The following CSMD1 variants were observed in gnomAD, a reference collection of about 807,000 sequenced individuals.
The protein encoded by CSMD1 is CUB and Sushi multiple domains 1.
A neutral mutation model predicts 417.5 loss-of-function variants in CSMD1; 213 were observed. That is an observed-to-expected ratio of 0.51 (90% CI 0.46 to 0.57). The LOEUF (loss-of-function observed/expected upper bound fraction) is 0.57. Ranked by LOEUF, CSMD1 falls within the 20% of genes least tolerant of loss-of-function variation. The probability of loss-of-function intolerance (pLI) is 0.00; values close to 1 mark genes in which losing one functional copy is unlikely to be tolerated. For synonymous variants in CSMD1, 2,862 were observed against 1,736.8 expected, an observed-to-expected ratio of 1.65 and a Z score of -16.11; for missense variants, 6,923 against 4,529.7, an observed-to-expected ratio of 1.53 and a Z score of -15.17.
intron 1 of CSMD1, among the ~76,000 whole-genome samples, chr8:4,772,385 G>C (rs756506645): frequency 5.9e-5 from 9 of 152,136 alleles, no homozygotes; most frequent in Non-Finnish European, 1.0e-4. Context: ...GAGGACTTGA[G>C]TGGTTAGGTT....
intron 2 of CSMD1, among the ~76,000 whole-genome samples, chr8:4,538,661 A>T (rs186780525): frequency 6.6e-6 from 1 of 152,166 alleles, no homozygotes; most frequent in African/African-American, 2.4e-5. Flanking sequence ...ATGAAATGAA[A>T]TGAAATATAA....
At chr8:4,095,626 G>A (rs769511377) in intron 3 of CSMD1, among the ~76,000 whole-genome samples, 1 of 152,186 alleles carries the variant, frequency 6.6e-6, no homozygotes. Context: ...AGAGCTGCGT[G>A]TGTTATAGAA....
At chr8:4,274,347 G>C (rs565414524) in intron 3 of CSMD1, among the ~76,000 whole-genome samples, 6 of 152,100 alleles carry the variant, frequency 3.9e-5, no homozygotes, top group East Asian at 1.9e-4. Flanking sequence ...CTTTTTTTAC[G>C]TTTCACTTTT....
chr8:4,282,638 A>G (rs1194644416), intron 3 of CSMD1, among the ~76,000 whole-genome samples: 1 of 152,168 alleles, frequency 6.6e-6, no homozygotes, highest in Non-Finnish European at 1.5e-5. Flanking sequence ...GTATGCATTC[A>G]CCTTTTCAGT....
chr8:3,774,758 T>C (rs774649509), intron 5 of CSMD1, among the ~76,000 whole-genome samples: 1 of 152,222 alleles, frequency 6.6e-6, no homozygotes, highest in Non-Finnish European at 1.5e-5. Context: ...TTTACTATTC[T>C]AATGAGTACA....
intron 10 of CSMD1, among the ~76,000 whole-genome samples, chr8:3,537,166 G>A (rs1468912495): frequency 1.3e-5 from 2 of 152,048 alleles, no homozygotes; most frequent in Non-Finnish European, 2.9e-5. Flanking sequence ...ACCACGCCCA[G>A]CTAATTTGTT....
chr8:2,982,992 A>G (rs1255194643), intron 54 of CSMD1, among the ~76,000 whole-genome samples: 1 of 152,122 alleles, frequency 6.6e-6, no homozygotes, highest in Non-Finnish European at 1.5e-5. Flanking sequence ...CTTCGGGCAG[A>G]CGACTCCTAA....
At chr8:4,688,887 G>A (rs1048339387) in intron 1 of CSMD1, among the ~76,000 whole-genome samples, 5 of 152,238 alleles carry the variant, frequency 3.3e-5, no homozygotes, top group South Asian at 2.1e-4. Flanking sequence ...TATAACTCAC[G>A]TCAGTGTGCT....
chr8:3,305,112 C>G (rs1467295566), intron 25 of CSMD1, among the ~76,000 whole-genome samples: 1 of 152,096 alleles, frequency 6.6e-6, no homozygotes, highest in Non-Finnish European at 1.5e-5. Context: ...ACCAACTGGG[C>G]TCAAGACATC....
rs561013046 is a variant in CSMD1 at position 4,562,522 on chromosome 8, G to C, written c.302+74820C>G. 5.3e-5 allele frequency among the ~76,000 whole-genome samples: 8 copies of C among 152,254 alleles called. No individual in the cohort carries two copies. In the East Asian group the frequency reaches 9.6e-4, roughly 18 times the overall value. On this transcript the variant is annotated intron_variant, in intron 2 of 69. Transcript: ENST00000635120. ...AACAAACCTGGAGTCAGTAAGAAAA[G>C]ATAACTTTAGTTATTAAATAAGTAT...
chr8:4,860,861 A>G (rs1030689314), intron 1 of CSMD1, among the ~76,000 whole-genome samples: 35 of 152,100 alleles, frequency 2.3e-4, no homozygotes, highest in Non-Finnish European at 2.8e-4. Context: ...AAAAACGTTC[A>G]CATCCCTGCT....
intron 1 of CSMD1, among the ~76,000 whole-genome samples, chr8:4,666,114 G>GC (rs1343729501): frequency 6.6e-6 from 1 of 152,072 alleles, no homozygotes; most frequent in Non-Finnish European, 1.5e-5. Context: ...TGACTGGGGG[G>GC]CGCTGAGCAT....
At chr8:4,261,228 T>G (rs1437134260) in intron 3 of CSMD1, among the ~76,000 whole-genome samples, 2 of 152,238 alleles carry the variant, frequency 1.3e-5, no homozygotes, top group East Asian at 3.8e-4. Context: ...CAGCCATTCC[T>G]GAATCTTGTG....
intron 6 of CSMD1, among the ~76,000 whole-genome samples, chr8:3,746,042 C>T: frequency 6.6e-6 from 1 of 152,256 alleles, no homozygotes; most frequent in East Asian, 1.9e-4. Flanking sequence ...CGTTCCAAAG[C>T]ACACCGCTAC....
chr8:4,750,579 G>C (rs537844516), intron 1 of CSMD1, among the ~76,000 whole-genome samples: 167 of 152,052 alleles, frequency 1.1e-3, no homozygotes, highest in Middle Eastern at 3.4e-3. Flanking sequence ...CACTTTATAA[G>C]TAATTCTGAG....
intron 7 of CSMD1, among the ~76,000 whole-genome samples, chr8:3,669,563 G>A (rs756242870): frequency 1.3e-5 from 2 of 152,172 alleles, no homozygotes; most frequent in African/African-American, 2.4e-5. Flanking sequence ...AGAAGGAGGG[G>A]AATGTAGCCT....
chr8:3,667,709 G>C (rs1477964760), intron 7 of CSMD1, among the ~76,000 whole-genome samples: 1 of 152,158 alleles, frequency 6.6e-6, no homozygotes. Flanking sequence ...AGCTGTTAGA[G>C]GATTAGTAGT....
intron 12 of CSMD1, among the ~76,000 whole-genome samples, chr8:3,465,287 G>C (rs966155634): frequency 1.3e-5 from 2 of 152,110 alleles, no homozygotes; most frequent in African/African-American, 2.4e-5. Context: ...TCCTAAAAGG[G>C]TCCATTAACT....
At chr8:4,158,781 G>C (rs1054933347) in intron 3 of CSMD1, among the ~76,000 whole-genome samples, 2 of 151,998 alleles carry the variant, frequency 1.3e-5, no homozygotes, top group African/African-American at 2.4e-5. Context: ...TGAAGTGTTG[G>C]GATTTTAGAA....
Sources: gnomAD v4.1 joint callset for allele counts (sites outside exome capture counted in the v4.1 genomes callset) on GRCh38, gnomAD v4.1.1 for gene constraint, MANE v1.5 for transcripts, NCBI Gene and HGNC (gene_info 2026-07-23, HGNC 2026-07-21) for gene names.